The following KIF16B variants were observed in gnomAD, a reference collection of about 807,000 sequenced individuals.
KIF16B encodes kinesin-like protein KIF16B.
A neutral mutation model predicts 156.3 loss-of-function variants in KIF16B; 98 were observed. That is an observed-to-expected ratio of 0.63 (90% CI 0.53 to 0.74). The LOEUF is 0.74. KIF16B is among the 30% of genes least tolerant of loss of function. The probability of loss-of-function intolerance (pLI) is 0.00; values close to 1 mark genes in which losing one functional copy is unlikely to be tolerated. For synonymous variants in KIF16B, 564 were observed against 583.7 expected, an observed-to-expected ratio of 0.97 and a Z score of 0.49; for missense variants, 1,421 against 1,606.5, an observed-to-expected ratio of 0.88 and a Z score of 1.97.
chr20:16,441,893 T>C (rs1459420861), intron 12 of KIF16B, among the ~76,000 whole-genome samples: 12 of 152,220 alleles, frequency 7.9e-5, no homozygotes, highest in Admixed American at 5.9e-4. Flanking sequence ...TTATATTTTA[T>C]CTATATCTGT....
At chr20:16,478,189 A>G (rs1471530583) in intron 12 of KIF16B, among the ~76,000 whole-genome samples, 4 of 152,212 alleles carry the variant, frequency 2.6e-5, no homozygotes, top group Non-Finnish European at 5.9e-5. Context: ...TCATTTGAAA[A>G]TGATGCAAAT....
intron 12 of KIF16B, among the ~76,000 whole-genome samples, chr20:16,493,504 T>C (rs2068360335): frequency 6.6e-6 from 1 of 152,190 alleles, no homozygotes; most frequent in Admixed American, 6.5e-5. Flanking sequence ...CAGATGGAGA[T>C]TTTTGTTCTT....
chr20:16,555,611 A>G (rs374561442), intron 1 of KIF16B, among the ~76,000 whole-genome samples: 25 of 152,242 alleles, frequency 1.6e-4, no homozygotes, highest in East Asian at 1.5e-3. Context: ...ATAAACAAAT[A>G]AAAACAAAGC....
At position 16,467,566 on chromosome 20, in the gene KIF16B, T is replaced by C. The variant is rs140927346; in HGVS notation, c.1302+26725A>G. Among the ~76,000 whole-genome samples, 65 of 152,296 alleles carry C rather than the reference T, an allele frequency of 4.3e-4. No individual in the cohort carries two copies. In the East Asian group the frequency reaches 9.7e-3, roughly 23 times the overall value. The stretch of plus-strand genomic sequence containing the variant: ...ACAACATGCAAGAACATACAGATCA[T>C]GTAAGCAGAAAGATGAAAAAATCTT... On this transcript the variant is annotated intron_variant, in intron 12 of 25. Coordinates refer to ENST00000354981, the MANE Select transcript of KIF16B (RefSeq NM_024704.5).
chr20:16,428,879 TCA>T, intron 14 of KIF16B, 72 bp downstream of exon 14: 1 of 1,204,790 alleles, frequency 8.3e-7, no homozygotes, highest in Non-Finnish European at 1.2e-6. Flanking sequence ...TCAATGTCAG[TCA>T]TTCGAAAAAG....
At chr20:16,400,000 G>A (rs1028666037) in intron 17 of KIF16B, among the ~76,000 whole-genome samples, 1 of 152,154 alleles carries the variant, frequency 6.6e-6, no homozygotes, top group Non-Finnish European at 1.5e-5. Context: ...TTTCTGAGAG[G>A]TCAGAGCAAT....
chr20:16,317,544 C>T (rs1444843850), intron 24 of KIF16B, among the ~76,000 whole-genome samples: 7 of 152,188 alleles, frequency 4.6e-5, no homozygotes, highest in South Asian at 4.1e-4. Context: ...TGTTGAAAAG[C>T]GTGACTGCAC....
At chr20:16,489,219 T>C (rs183201314) in intron 12 of KIF16B, among the ~76,000 whole-genome samples, 622 of 152,132 alleles carry the variant, frequency 4.1e-3, no homozygotes, top group Admixed American at 8.2e-3. Flanking sequence ...GCTGGGGCCT[T>C]GGAGAAGAGG....
intron 1 of KIF16B, among the ~76,000 whole-genome samples, chr20:16,542,002 C>T (rs780367361): frequency 9.2e-5 from 14 of 152,202 alleles, no homozygotes; most frequent in Non-Finnish European, 1.6e-4. Flanking sequence ...GTGGCAAGCA[C>T]GGTGCCTACT....
intron 23 of KIF16B, among the ~76,000 whole-genome samples, chr20:16,341,748 C>A (rs2123016708): frequency 6.6e-6 from 1 of 152,312 alleles, no homozygotes; most frequent in East Asian, 1.9e-4. Context: ...CTGTTCTGAC[C>A]AACCCTCCAG....
intron 15 of KIF16B, among the ~76,000 whole-genome samples, chr20:16,410,138 T>TATATGTAGGTACATATAC (rs1600321168): frequency 1.5e-5 from 2 of 136,406 alleles, no homozygotes; most frequent in Non-Finnish European, 3.2e-5. Context: ...GGTACATATA[T>TATATGTAGGTACATATAC]ATATGTAGGT....
At chr20:16,494,567 T>G (rs17741475) in intron 11 of KIF16B, among the ~76,000 whole-genome samples, 17,528 of 152,222 alleles carry the variant, frequency 0.12, 1,316 homozygotes, top group Non-Finnish European at 0.17. Flanking sequence ...AGACAGAAAT[T>G]TGTCAATTTG....
intron 24 of KIF16B, among the ~76,000 whole-genome samples, chr20:16,320,430 G>A (rs1386598920): frequency 1.3e-5 from 2 of 152,044 alleles, no homozygotes; most frequent in South Asian, 2.1e-4. Flanking sequence ...AAAAATGTGA[G>A]CCAGCAGGAC....
At chr20:16,303,547 T>C (rs2063501257) in intron 25 of KIF16B, among the ~76,000 whole-genome samples, 1 of 152,236 alleles carries the variant, frequency 6.6e-6, no homozygotes, top group African/African-American at 2.4e-5. Context: ...TGTGCTCTCA[T>C]TTTGAATTTT....
At chr20:16,412,121 CAG>C (rs1485431671) in intron 15 of KIF16B, among the ~76,000 whole-genome samples, 1 of 151,894 alleles carries the variant, frequency 6.6e-6, no homozygotes, top group East Asian at 1.9e-4. Flanking sequence ...ACAGAGGAAA[CAG>C]AGAAGAGACC....
chr20:16,502,141 T>C (rs1306546061), intron 10 of KIF16B, among the ~76,000 whole-genome samples: 1 of 152,152 alleles, frequency 6.6e-6, no homozygotes, highest in African/African-American at 2.4e-5. Flanking sequence ...ACATGACTTT[T>C]TGCAATGGGA....
At chr20:16,461,805 A>T (rs2067352693) in intron 12 of KIF16B, among the ~76,000 whole-genome samples, 1 of 152,242 alleles carries the variant, frequency 6.6e-6, no homozygotes, top group Non-Finnish European at 1.5e-5. Context: ...GAGAAGAGAC[A>T]TGAATTGTTA....
chr20:16,482,914 G>C (rs185297601), intron 12 of KIF16B, among the ~76,000 whole-genome samples: 1 of 152,076 alleles, frequency 6.6e-6, no homozygotes, highest in Non-Finnish European at 1.5e-5. Context: ...ACTCCAAAGG[G>C]CTCCAGAGGT....
At chr20:16,444,511 T>C (rs374263490) in intron 12 of KIF16B, among the ~76,000 whole-genome samples, 33 of 152,346 alleles carry the variant, frequency 2.2e-4, no homozygotes, top group African/African-American at 7.5e-4. Context: ...CTTTTTGCTA[T>C]CATGGTGTAG....
Sources: gnomAD v4.1 joint callset for allele counts (sites outside exome capture counted in the v4.1 genomes callset) on GRCh38, gnomAD v4.1.1 for gene constraint, MANE v1.5 for transcripts, NCBI Gene and HGNC (gene_info 2026-07-23, HGNC 2026-07-21) for gene names.